Variants in PHACTR1 observed in about 807,000 individuals in gnomAD.
PHACTR1 encodes RPEL repeat containing 1.
In PHACTR1, 16 loss-of-function variants were observed where a neutral mutation model predicts 69.2. The observed-to-expected ratio is 0.23, with a 90% CI of 0.16 to 0.35. The LOEUF (loss-of-function observed/expected upper bound fraction) is 0.35. Ranked by LOEUF, PHACTR1 falls within the 10% of genes least tolerant of loss-of-function variation. The pLI is 1.00. For missense variants in PHACTR1, 510 were observed against 734.7 expected, an observed-to-expected ratio of 0.69 and a Z score of 3.54; for synonymous variants, 312 against 284.5, an observed-to-expected ratio of 1.10 and a Z score of -0.97.
At chr6:13,021,992 G>A (rs1801040890) in intron 4 of PHACTR1, among the ~76,000 whole-genome samples, 1 of 152,220 alleles carries the variant, frequency 6.6e-6, no homozygotes, top group Non-Finnish European at 1.5e-5. Context: ...TGCCCATGCT[G>A]CTGCAGCTGA....
intron 4 of PHACTR1, among the ~76,000 whole-genome samples, chr6:12,886,172 C>A (rs1582288987): frequency 6.6e-6 from 1 of 151,950 alleles, no homozygotes; most frequent in Non-Finnish European, 1.5e-5. Context: ...ACCTTTATCT[C>A]AATATATTGG....
At chr6:12,880,855 G>T (rs529728792) in intron 4 of PHACTR1, among the ~76,000 whole-genome samples, 3 of 146,496 alleles carry the variant, frequency 2.0e-5, no homozygotes, top group African/African-American at 7.7e-5. Context: ...TTTCATGTTC[G>T]CGGAACAGGC....
chr6:12,762,008 C>A (rs1768081005), intron 4 of PHACTR1, among the ~76,000 whole-genome samples: 1 of 152,196 alleles, frequency 6.6e-6, no homozygotes, highest in Non-Finnish European at 1.5e-5. Context: ...TGCTCATGAC[C>A]CTGGCTGTAA....
intron 5 of PHACTR1, among the ~76,000 whole-genome samples, chr6:13,102,748 G>C (rs1815382326): frequency 6.6e-6 from 1 of 152,146 alleles, no homozygotes; most frequent in Non-Finnish European, 1.5e-5. Context: ...AGTGAAAACT[G>C]TTCTTATTTT....
Position 12,900,594 on chromosome 6 carries a change from C to A in PHACTR1, c.250+150804C>A, listed in dbSNP as rs138873288. ...GTGCCTGTAGTCCCAGCTACTTGGG[C>A]GGCTGAGTGGGGAGGATTACCTGAG... On this transcript the variant is annotated intron_variant, in intron 4 of 14. Transcript: ENST00000332995. Among the ~76,000 whole-genome samples, 1,312 of 152,162 alleles carry A rather than the reference C, an allele frequency of 8.6e-3. 23 individuals carry two copies. Among genetic ancestry groups the A allele is most frequent in the African/African-American group, 0.03 (1,227 of 41,526 alleles).
At chr6:13,036,411 T>C (rs1803317161) in intron 4 of PHACTR1, among the ~76,000 whole-genome samples, 1 of 152,244 alleles carries the variant, frequency 6.6e-6, no homozygotes, top group Non-Finnish European at 1.5e-5. Context: ...ACGCATTAAA[T>C]GGTTGTTCAT....
chr6:13,200,930 C>T (rs567822177), intron 7 of PHACTR1, among the ~76,000 whole-genome samples: 22 of 140,286 alleles, frequency 1.6e-4, no homozygotes, highest in African/African-American at 5.4e-4. Flanking sequence ...GCAACAAGAG[C>T]GAAACTCTGT....
At chr6:12,821,863 G>T (rs764822112) in intron 4 of PHACTR1, among the ~76,000 whole-genome samples, 1 of 152,152 alleles carries the variant, frequency 6.6e-6, no homozygotes, top group African/African-American at 2.4e-5. Context: ...TCCAGATTCC[G>T]CCCAGATATG....
rs116552011 is a variant in PHACTR1 at position 12,974,631 on chromosome 6, G to C, written c.251-78734G>C. 4.7e-3 allele frequency among the ~76,000 whole-genome samples: 721 copies of C among 152,130 alleles called. 2 individuals are homozygous for C. Among genetic ancestry groups the C allele is most frequent in the Non-Finnish European group, 7.1e-3 (482 of 68,008 alleles). The stretch of plus-strand genomic sequence containing the variant: ...TTCTAATTGGGTGAAAACTCAATTG[G>C]GTGACAACTCAATTGCGGTGCCTTT... On this transcript the variant is annotated intron_variant, in intron 4 of 14. Coordinates refer to ENST00000332995, the MANE Select transcript of PHACTR1 (RefSeq NM_030948.6).
intron 5 of PHACTR1, among the ~76,000 whole-genome samples, chr6:13,078,317 T>C (rs892477200): frequency 6.6e-6 from 1 of 152,210 alleles, no homozygotes; most frequent in African/African-American, 2.4e-5. Context: ...TGTGCCTGTC[T>C]GTCTCCAAAT....
At chr6:12,749,968 G>A (rs1766381779) in intron 4 of PHACTR1, among the ~76,000 whole-genome samples, 178 bp downstream of exon 4, 1 of 152,156 alleles carries the variant, frequency 6.6e-6, no homozygotes, top group African/African-American at 2.4e-5. Context: ...CGGGGTGGGG[G>A]AGGGCGGCGC....
chr6:12,955,666 C>T (rs1791808893), intron 4 of PHACTR1, among the ~76,000 whole-genome samples: 1 of 152,120 alleles, frequency 6.6e-6, no homozygotes, highest in Non-Finnish European at 1.5e-5. Flanking sequence ...TGTCTTTATT[C>T]TTATTAAGAA....
At chr6:12,746,731 A>C (rs1354764776) in intron 3 of PHACTR1, among the ~76,000 whole-genome samples, 1 of 152,230 alleles carries the variant, frequency 6.6e-6, no homozygotes, top group Non-Finnish European at 1.5e-5. Flanking sequence ...TAAAATGTTA[A>C]ATGAATAAGA....
intron 4 of PHACTR1, among the ~76,000 whole-genome samples, chr6:13,002,867 A>T (rs551365854): frequency 6.6e-6 from 1 of 152,348 alleles, no homozygotes; most frequent in East Asian, 1.9e-4. Context: ...AATGCCCTGA[A>T]GTATGTCTGA....
intron 8 of PHACTR1, among the ~76,000 whole-genome samples, chr6:13,218,672 A>G (rs1768050471): frequency 6.6e-6 from 1 of 152,070 alleles, no homozygotes; most frequent in Admixed American, 6.6e-5. Context: ...AAATCAAAAA[A>G]TTAGCCAGGT....
At chr6:13,284,546 AT>A (rs1562128802) in intron 13 of PHACTR1, among the ~76,000 whole-genome samples, 81 of 69,710 alleles carry the variant, frequency 1.2e-3, no homozygotes, top group East Asian at 5.1e-3. Flanking sequence ...AAAAAAAAAT[AT>A]ATATATATAT....
chr6:12,969,828 T>C (rs1793961467), intron 4 of PHACTR1, among the ~76,000 whole-genome samples: 1 of 152,112 alleles, frequency 6.6e-6, no homozygotes, highest in African/African-American at 2.4e-5. Context: ...CTGGGCATGG[T>C]GGCACGCGCC....
At chr6:13,201,822 T>C (rs146599367) in intron 7 of PHACTR1, among the ~76,000 whole-genome samples, 8 of 152,302 alleles carry the variant, frequency 5.3e-5, no homozygotes, top group Admixed American at 2.0e-4. Flanking sequence ...AACAAAGACA[T>C]GAGCTGCCCA....
chr6:13,054,352 A>G (rs1806449932), intron 5 of PHACTR1, among the ~76,000 whole-genome samples: 1 of 152,230 alleles, frequency 6.6e-6, no homozygotes. Context: ...ACTTCACCCC[A>G]TTGGGTCTGT....
Sources: allele counts gnomAD v4.1 joint callset (sites outside exome capture counted in the v4.1 genomes callset), GRCh38; gene constraint gnomAD v4.1.1; transcripts MANE v1.5; gene names NCBI Gene and HGNC (gene_info 2026-07-23, HGNC 2026-07-21).